The following NEBL variants were observed in gnomAD, a reference collection of about 807,000 sequenced individuals.
The protein encoded by NEBL is nebulette.
NEBL carries 122 observed loss-of-function variants against 140.2 expected under a neutral mutation model. The ratio of observed to expected loss-of-function variants is 0.87; its 90% CI spans 0.75 to 1.01. The LOEUF (loss-of-function observed/expected upper bound fraction) is 1.01. Among genes scored for constraint, NEBL ranks in the 50% least tolerant of loss-of-function variants. The probability of loss-of-function intolerance (pLI) is 0.00; values close to 1 mark genes in which losing one functional copy is unlikely to be tolerated. For synonymous variants in NEBL, 436 were observed against 398.9 expected (o/e 1.09, Z -1.11); for missense variants, 1,365 against 1,231.3 (o/e 1.11, Z -1.62).
chr10:20,940,046 G>T (rs1389080653), intron 4 of NEBL, among the ~76,000 whole-genome samples: 1 of 151,166 alleles, frequency 6.6e-6, no homozygotes, highest in South Asian at 2.1e-4. Context: ...AGTTAACAAG[G>T]ATACCCAGGA....
intron 4 of NEBL, among the ~76,000 whole-genome samples, chr10:20,928,460 C>T (rs1589026601): frequency 6.6e-6 from 1 of 152,110 alleles, no homozygotes; most frequent in Admixed American, 6.6e-5. Flanking sequence ...AACAACTGAA[C>T]TGAGACTGGA....
intron 2 of NEBL, among the ~76,000 whole-genome samples, chr10:21,021,131 C>T (rs1431014908): frequency 6.6e-6 from 1 of 152,136 alleles, no homozygotes; most frequent in Non-Finnish European, 1.5e-5. Context: ...ATTCCTCACA[C>T]ATCCAATCAC....
chr10:21,212,976 C>T (rs1472052676), intron 3 of NEBL, among the ~76,000 whole-genome samples: 1 of 152,014 alleles, frequency 6.6e-6, no homozygotes, highest in Non-Finnish European at 1.5e-5. Flanking sequence ...CAGAGCTACA[C>T]GGTAGCAGCT....
chr10:21,146,516 C>T (rs781138255), intron 2 of NEBL: 3 of 1,604,002 alleles, frequency 1.9e-6, no homozygotes, highest in South Asian at 1.1e-5. Context: ...CATCCTACTC[C>T]TGCATTATCA....
At chr10:20,926,389 A>C (rs969995363) in intron 4 of NEBL, among the ~76,000 whole-genome samples, 1 of 98,370 alleles carries the variant, frequency 1.0e-5, no homozygotes, top group Non-Finnish European at 2.2e-5. Flanking sequence ...TTGTGATTTG[A>C]TTATGTGAAA....
At chr10:21,035,263 G>T (rs1833967150) in intron 2 of NEBL, among the ~76,000 whole-genome samples, 1 of 152,084 alleles carries the variant, frequency 6.6e-6, no homozygotes, top group East Asian at 1.9e-4. Flanking sequence ...CTCCCAAAGT[G>T]CTGGGATTAC....
At chr10:21,144,337 C>T (rs897427927) in intron 2 of NEBL, among the ~76,000 whole-genome samples, 1 of 152,222 alleles carries the variant, frequency 6.6e-6, no homozygotes, top group African/African-American at 2.4e-5. Context: ...CAGTGGCTTC[C>T]CTGGTACTGC....
chr10:21,180,445 A>G (rs1400992372), intron 3 of NEBL, among the ~76,000 whole-genome samples: 1 of 152,194 alleles, frequency 6.6e-6, no homozygotes, highest in Non-Finnish European at 1.5e-5. Context: ...AACAAGTGTC[A>G]TTCTCTTTCT....
chr10:21,183,027 A>C (rs1360708975), intron 3 of NEBL, among the ~76,000 whole-genome samples: 1 of 152,174 alleles, frequency 6.6e-6, no homozygotes, highest in Non-Finnish European at 1.5e-5. Context: ...AGGTGGCATG[A>C]ACAGGGCCAG....
intron 1 of NEBL, among the ~76,000 whole-genome samples, chr10:21,266,395 G>C (rs1842797268): frequency 6.6e-6 from 1 of 152,174 alleles, no homozygotes; most frequent in Non-Finnish European, 1.5e-5. Context: ...ACCCAACTTG[G>C]CCTCCCAAAG....
At chr10:20,835,411 C>T in intron 14 of NEBL, 102 bp downstream of exon 14, 2 of 900,770 alleles carry the variant, frequency 2.2e-6, no homozygotes, top group South Asian at 1.3e-5. Context: ...GTTAAACCAG[C>T]TGCAATGCTT....
At chr10:21,207,265 C>T (rs761259656) in intron 3 of NEBL, among the ~76,000 whole-genome samples, 23 of 152,130 alleles carry the variant, frequency 1.5e-4, no homozygotes, top group East Asian at 3.9e-4. Context: ...TAAGCCACCA[C>T]GCCCAGCCAA....
chr10:20,823,951 A>G (rs1200727724), intron 18 of NEBL, among the ~76,000 whole-genome samples: 3 of 152,158 alleles, frequency 2.0e-5, no homozygotes, highest in Non-Finnish European at 2.9e-5. Context: ...CACATTAGGA[A>G]AAGCTCACCT....
intron 2 of NEBL, chr10:21,125,629 T>C: frequency 2.1e-6 from 1 of 475,456 alleles, no homozygotes; most frequent in Non-Finnish European, 3.7e-6. Context: ...GTAAGTTTTG[T>C]TTCCCAGCCA....
At chr10:21,117,902 C>A (rs1838357927) in intron 2 of NEBL, among the ~76,000 whole-genome samples, 1 of 152,058 alleles carries the variant, frequency 6.6e-6, no homozygotes. Flanking sequence ...CCTGAGTCCA[C>A]CTGATCTATA....
intron 3 of NEBL, among the ~76,000 whole-genome samples, chr10:21,202,555 G>A (rs546962187): frequency 5.1e-5 from 7 of 137,740 alleles, no homozygotes; most frequent in East Asian, 2.3e-4. Flanking sequence ...GCTCCGCCCC[G>A]CTGTTGACGC....
At chr10:20,985,322 A>G (rs973962315) in intron 3 of NEBL, among the ~76,000 whole-genome samples, 4 of 152,146 alleles carry the variant, frequency 2.6e-5, no homozygotes, top group African/African-American at 9.7e-5. Flanking sequence ...ATGCCCTTCA[A>G]CCTCAAATGG....
chr10:21,016,349 T>C (rs1838554591), intron 3 of NEBL, among the ~76,000 whole-genome samples: 1 of 152,194 alleles, frequency 6.6e-6, no homozygotes, highest in Non-Finnish European at 1.5e-5. Flanking sequence ...ATTATGACAA[T>C]CTGGCACCTG....
rs1403422743 is a variant in NEBL, at chr10:20,897,164, T to C, written c.42A>G (p.Glu14=). Residue 14 remains glutamate (E), a synonymous_variant, in exon 1 of 28, where the codon GAA becomes GAG. Transcript: ENST00000377122. ...TTTCTTCTTCCCCTATCTTTTCTTC[T>C]TCAGTTTCATCTTTTATATCCTCAA... ...PVFEDIKDET[E]EEKIGEEENE... is the part of the protein sequence containing the mutation. 1.2e-6 allele frequency: 2 copies of C among 1,606,852 alleles called. No individual in the cohort carries two copies. Among genetic ancestry groups the C allele is most frequent in the Admixed American group, 3.3e-5 (2 of 59,872 alleles).
Sources: allele counts gnomAD v4.1 joint callset (sites outside exome capture counted in the v4.1 genomes callset), GRCh38; gene constraint gnomAD v4.1.1; transcripts MANE v1.5; gene names NCBI Gene and HGNC (gene_info 2026-07-23, HGNC 2026-07-21).